Variants in COL11A1 observed in about 807,000 individuals in gnomAD.
COL11A1 encodes the protein collagen type XI alpha 1 chain, also known as collagen alpha-1(XI) chain.
A neutral mutation model predicts 265.2 loss-of-function variants in COL11A1; 74 were observed. The observed-to-expected ratio is 0.28, with a 90% confidence interval of 0.23 to 0.34. COL11A1 has a LOEUF of 0.34. COL11A1 is among the 10% of genes least tolerant of loss of function. The pLI is 1.00. For missense variants in COL11A1, 2,165 were observed against 2,263.6 expected, an observed-to-expected ratio of 0.96 and a Z score of 0.88; for synonymous variants, 816 against 727.6, an observed-to-expected ratio of 1.12 and a Z score of -1.96.
At chr1:103,000,684 T>C (rs1352470709) in intron 24 of COL11A1, among the ~76,000 whole-genome samples, 2 of 152,030 alleles carry the variant, frequency 1.3e-5, no homozygotes, top group South Asian at 2.1e-4. Context: ...ACAATCGATA[T>C]GGAAAAGAGT....
rs773940700 is a variant in COL11A1, at chr1:103,006,280, C to G, written c.1719G>C (p.Thr573=). ...GCCATACCCTTTTTCCAGGTTTTCC[C>G]GTTGGACCAGGGGGACCCTGGACGC... ...PRGVQGPPGP[T]GKPGKRGRPG... The change falls in exon 16 of 67, where the codon ACG becomes ACC. Residue 573 remains threonine, a synonymous_variant. Transcript: ENST00000370096. The G allele has an allele frequency of 1.2e-6, 2 of 1,609,260 alleles. No homozygotes were observed. The highest frequency in any genetic ancestry group is 1.7e-5 in the Admixed American group (1 of 59,580).
intron 46 of COL11A1, among the ~76,000 whole-genome samples, chr1:102,931,768 T>A (rs375059389): frequency 4.6e-5 from 7 of 151,966 alleles, no homozygotes; most frequent in Admixed American, 3.3e-4. Context: ...TTATGAATCT[T>A]GGTGCTCCTG....
At chr1:102,904,552 A>C (rs1424315187) in intron 54 of COL11A1, among the ~76,000 whole-genome samples, 1 of 152,006 alleles carries the variant, frequency 6.6e-6, no homozygotes, top group Non-Finnish European at 1.5e-5. Flanking sequence ...ACCCCATCAA[A>C]AAGTGGGTGA....
chr1:102,992,059 T>TTA (rs1664191986), intron 28 of COL11A1, among the ~76,000 whole-genome samples: 1 of 152,172 alleles, frequency 6.6e-6, no homozygotes, highest in Non-Finnish European at 1.5e-5. Flanking sequence ...TAAAAATCAC[T>TTA]TATAGACTCT....
chr1:103,074,765 T>G lies in COL11A1; in HGVS notation c.504A>C (p.Ala168=). 1 of 1,613,248 alleles carries G rather than the reference T, an allele frequency of 6.2e-7. No homozygotes were observed. Among genetic ancestry groups the G allele is most frequent in the South Asian group, 1.1e-5 (1 of 91,074 alleles). ...TCACAGTTTTCTTCTCCACGCTGAT[T>G]GCTACCCGATGCCACCTAAAAAAGA... ...NIADGKWHRV[A]ISVEKKTVTM... Residue 168 remains alanine, a synonymous_variant, in exon 4 of 67, where the codon GCA becomes GCC. Transcript: ENST00000370096.
At chr1:103,072,219 T>C (rs183422504) in intron 4 of COL11A1, among the ~76,000 whole-genome samples, 1 of 152,090 alleles carries the variant, frequency 6.6e-6, no homozygotes, top group Non-Finnish European at 1.5e-5. Flanking sequence ...TTTAGCTGTA[T>C]AAAGTTGAAT....
chr1:102,995,940 A>G, intron 27 of COL11A1, 32 bp from the exon 28 acceptor site: 2 of 1,611,772 alleles, frequency 1.2e-6, no homozygotes, highest in Non-Finnish European at 1.7e-6. Context: ...TTAAGTGAAT[A>G]TAACATTTCA....
intron 4 of COL11A1, among the ~76,000 whole-genome samples, chr1:103,065,885 GA>G (rs141824833): frequency 0.028 from 4,095 of 148,478 alleles, 198 homozygotes; most frequent in African/African-American, 0.095. Context: ...CAAACACGGA[GA>G]AAAAAAAAAT....
intron 1 of COL11A1, among the ~76,000 whole-genome samples, chr1:103,088,448 C>A (rs1164825891): frequency 1.3e-5 from 2 of 152,104 alleles, no homozygotes; most frequent in South Asian, 2.1e-4. Context: ...GACCTCCTTG[C>A]TGCCTATTTT....
At chr1:103,039,170 C>T (rs1054702978) in intron 4 of COL11A1, among the ~76,000 whole-genome samples, 9 of 152,142 alleles carry the variant, frequency 5.9e-5, no homozygotes, top group Admixed American at 3.3e-4. Flanking sequence ...CTCTCCTATA[C>T]CTGCAGACTA....
intron 2 of COL11A1, among the ~76,000 whole-genome samples, chr1:103,079,970 A>T (rs1672272758): frequency 6.6e-6 from 1 of 151,928 alleles, no homozygotes; most frequent in Non-Finnish European, 1.5e-5. Context: ...ATGTATGGGG[A>T]GAGGATGCTT....
intron 1 of COL11A1, among the ~76,000 whole-genome samples, chr1:103,088,019 C>T (rs1227456991): frequency 2.6e-5 from 4 of 152,056 alleles, no homozygotes; most frequent in African/African-American, 4.8e-5. Flanking sequence ...GTCTATTGAC[C>T]TCTTAAACAC....
chr1:103,013,970 A>G (rs997561063), intron 13 of COL11A1, among the ~76,000 whole-genome samples: 2 of 152,038 alleles, frequency 1.3e-5, no homozygotes, highest in African/African-American at 4.8e-5. Flanking sequence ...TAAACTAAAA[A>G]ACATAAATTG....
intron 15 of COL11A1, 39 bp downstream of exon 15, chr1:103,008,424 A>G: frequency 1.3e-6 from 2 of 1,543,450 alleles, no homozygotes; most frequent in Non-Finnish European, 1.8e-6. Context: ...GTATCAAAGA[A>G]GCCAGTCAAG....
Position 103,002,791 on chromosome 1 carries a change from C to A in COL11A1, c.1999G>T (p.Gly667Cys). The A allele has an allele frequency of 6.2e-7, 1 of 1,612,876 alleles. No individual in the cohort carries two copies. Among genetic ancestry groups the A allele is most frequent in the Non-Finnish European group, 8.5e-7 (1 of 1,179,114 alleles). Residue 667 changes from glycine to cysteine, a missense_variant and splice_region_variant, in exon 22 of 67, where the codon GGT becomes TGT. Transcript: ENST00000370096. Reference sequence around the variant, plus strand: ...GGGGGGCCATCTACACCTGCCATACCCTGCAATGAAGAAAAAGTATTTATG... The same window carrying A: ...GGGGGGCCATCTACACCTGCCATACACTGCAATGAAGAAAAAGTATTTATG... ...RGTPGAPGQP[G>C]MAGVDGPPGP...
In COL11A1 at chr1:103,021,787, C is replaced by G; in HGVS notation, c.1246-18G>C. 1 of 1,546,488 alleles carries G rather than the reference C, an allele frequency of 6.5e-7. No individual in the cohort carries two copies. Among genetic ancestry groups the G allele is most frequent in the Non-Finnish European group, 8.9e-7 (1 of 1,118,592 alleles). ...CCATTTATCTGTTGAATGAAATATT[C>G]AAAACAGCCTAAATGTCTGTAAGAC... On this transcript the variant is annotated intron_variant, in intron 8 of 66. Coordinates refer to ENST00000370096, the MANE Select transcript of COL11A1 (RefSeq NM_001854.4).
rs886044982 is a variant in COL11A1, at chr1:103,108,398, A to G, written c.-220T>C. The stretch of plus-strand genomic sequence containing the variant: ...CTCTGAGTTGGCCCCACCGGCCGGG[A>G]CCCTCCGGCCGCGACCCTCTGATCC... On this transcript the variant is annotated 5_prime_UTR_variant, in exon 1 of 67. Coordinates refer to ENST00000370096, the MANE Select transcript of COL11A1 (RefSeq NM_001854.4). The G allele has an allele frequency of 9.1e-5, 56 of 612,998 alleles. No homozygotes were observed. The highest frequency in any genetic ancestry group is 1.4e-4 in the Non-Finnish European group (48 of 343,858). 38.0% of individuals were successfully genotyped at this position (612,998 alleles called of 1,614,324 possible).
At chr1:103,021,258 A>G (rs1051483246) in intron 9 of COL11A1, among the ~76,000 whole-genome samples, 3 of 151,848 alleles carry the variant, frequency 2.0e-5, no homozygotes, top group East Asian at 1.9e-4. Flanking sequence ...AGTAAAAAAT[A>G]TCATATGACA....
At chr1:102,929,360 A>G (rs1570759699) in intron 46 of COL11A1, among the ~76,000 whole-genome samples, 2 of 152,066 alleles carry the variant, frequency 1.3e-5, no homozygotes, top group African/African-American at 2.4e-5. Flanking sequence ...TCCTTTCCCC[A>G]TTGTTTGTTT....
Sources: gnomAD v4.1 joint callset for allele counts (sites outside exome capture counted in the v4.1 genomes callset) on GRCh38, gnomAD v4.1.1 for gene constraint, MANE v1.5 for transcripts, NCBI Gene and HGNC (gene_info 2026-07-23, HGNC 2026-07-21) for gene names.